The following PRKCH variants were observed in gnomAD, a reference collection of about 807,000 sequenced individuals.
PRKCH encodes the protein protein kinase C eta.
PRKCH carries 28 observed loss-of-function variants against 82.5 expected under a neutral mutation model. The observed-to-expected ratio is 0.34, with a 90% CI of 0.25 to 0.47. The LOEUF is 0.47. Ranked by LOEUF, PRKCH falls within the 20% of genes least tolerant of loss-of-function variation. The pLI is 1.00. For synonymous variants in PRKCH, 322 were observed against 327.4 expected, an observed-to-expected ratio of 0.98 and a Z score of 0.18; for missense variants, 705 against 881.8, an observed-to-expected ratio of 0.80 and a Z score of 2.54.
intron 10 of PRKCH, among the ~76,000 whole-genome samples, chr14:61,522,245 T>C (rs1463938059): frequency 6.6e-6 from 1 of 152,192 alleles, no homozygotes; most frequent in African/African-American, 2.4e-5. Flanking sequence ...CACCATCATT[T>C]ATCTCCTGGA....
At chr14:61,450,176 G>A (rs1040312993) in intron 5 of PRKCH, among the ~76,000 whole-genome samples, 1 of 152,160 alleles carries the variant, frequency 6.6e-6, no homozygotes, top group Non-Finnish European at 1.5e-5. Context: ...TTCAAGAGGA[G>A]TAATGATTGC....
At chr14:61,330,988 T>G (rs2045778047) in intron 1 of PRKCH, among the ~76,000 whole-genome samples, 1 of 152,160 alleles carries the variant, frequency 6.6e-6, no homozygotes, top group South Asian at 2.1e-4. Flanking sequence ...TCATAATGTT[T>G]TAAGAAAGTT....
At position 61,302,360 on chromosome 14, in the gene PRKCH, C is replaced by A. The variant is rs151157231; in HGVS notation, c.-19+114692C>A. ...AGGACTTACATGCCTTTCTTTATGG[C>A]ATATAAGCCCTGGGTCCGGGTTGGG... On this transcript the variant is annotated intron_variant, in intron 1 of 3. Transcript: ENST00000555185. 8.7e-3 allele frequency among the ~76,000 whole-genome samples: 1,327 copies of A among 152,276 alleles called. 10 individuals carry two copies. Among genetic ancestry groups the A allele is most frequent in the Middle Eastern group, 0.017 (5 of 294 alleles).
rs148885787 is a variant in PRKCH, at chr14:61,517,577, G to A, written c.1434-11498G>A. Among the ~76,000 whole-genome samples the A allele has an allele frequency of 4.8e-3, 729 of 152,290 alleles. 4 individuals carry two copies. Among genetic ancestry groups the A allele is most frequent in the African/African-American group, 0.015 (619 of 41,550 alleles). ...CCATAGCATTATCCATTTAATAACAGCCACAGTGACAGTGCTGATAATGGC... is the reference window on the plus strand; with the variant it reads ...CCATAGCATTATCCATTTAATAACAACCACAGTGACAGTGCTGATAATGGC... On this transcript the variant is annotated intron_variant, in intron 10 of 13. Coordinates refer to ENST00000332981, the MANE Select transcript of PRKCH (RefSeq NM_006255.5).
chr14:61,204,524 G>A (rs1033190306), intron 1 of PRKCH, among the ~76,000 whole-genome samples: 1 of 152,172 alleles, frequency 6.6e-6, no homozygotes, highest in African/African-American at 2.4e-5. Flanking sequence ...GGAGGCCAAG[G>A]CAGGAGGATT....
At chr14:61,225,883 T>A (rs1393890940) in intron 1 of PRKCH, among the ~76,000 whole-genome samples, 1 of 152,100 alleles carries the variant, frequency 6.6e-6, no homozygotes, top group East Asian at 1.9e-4. Flanking sequence ...GAACTACAGG[T>A]GTGTGCCACC....
intron 2 of PRKCH, among the ~76,000 whole-genome samples, chr14:61,439,937 A>G (rs546051428): frequency 6.6e-6 from 1 of 152,346 alleles, no homozygotes; most frequent in East Asian, 1.9e-4. Context: ...GAAATATTAA[A>G]CATGCAAGTG....
At chr14:61,395,293 C>CA (rs1555383085) in intron 2 of PRKCH, among the ~76,000 whole-genome samples, 1 of 144,780 alleles carries the variant, frequency 6.9e-6, no homozygotes, top group Non-Finnish European at 1.5e-5. Flanking sequence ...AAATGGAGCC[C>CA]CCCCCCGCAT....
At chr14:61,391,085 C>T (rs564659289) in intron 1 of PRKCH, 140 bp from the exon 2 acceptor site, 3 of 657,048 alleles carry the variant, frequency 4.6e-6, no homozygotes, top group African/African-American at 2.0e-5. Context: ...CCCTGCCACT[C>T]TACTATTTAA....
intron 7 of PRKCH, chr14:61,456,876 C>A (rs2140294821): frequency 4.0e-6 from 1 of 247,942 alleles, no homozygotes; most frequent in Admixed American, 5.0e-5. Context: ...CCGCAGAAGG[C>A]ACCCAAGGGA....
At chr14:61,457,052 AGTTGATCTTTCCCCCAC>A in intron 7 of PRKCH, 107 bp from the exon 8 acceptor site, 1 of 1,023,590 alleles carries the variant, frequency 9.8e-7, no homozygotes, top group South Asian at 1.7e-5. Context: ...TGTCAAACTG[AGTTGATCTTTCCCCCAC>A]GTTATACTGG....
chr14:61,503,001 C>CT (rs34050696), intron 10 of PRKCH, among the ~76,000 whole-genome samples: 57 of 80,292 alleles, frequency 7.1e-4, no homozygotes, highest in Admixed American at 1.8e-3. Flanking sequence ...GGGAAGCAGG[C>CT]TTTTTTTTTT....
At chr14:61,270,003 T>C (rs2045138595) in intron 1 of PRKCH, among the ~76,000 whole-genome samples, 1 of 152,152 alleles carries the variant, frequency 6.6e-6, no homozygotes, top group African/African-American at 2.4e-5. Flanking sequence ...AATGCAAGAC[T>C]CTATGACATG....
At chr14:61,345,671 A>C (rs1379097236) in intron 1 of PRKCH, among the ~76,000 whole-genome samples, 1 of 152,352 alleles carries the variant, frequency 6.6e-6, no homozygotes, top group South Asian at 2.1e-4. Flanking sequence ...TTTAATCCTC[A>C]GAATACCTTC....
At chr14:61,408,666 A>G (rs1882095897) in intron 2 of PRKCH, among the ~76,000 whole-genome samples, 2 of 152,242 alleles carry the variant, frequency 1.3e-5, no homozygotes, top group South Asian at 4.1e-4. Flanking sequence ...CACAAAGTGT[A>G]GCATTAGGAT....
chr14:61,502,458 C>G (rs1229502727), intron 10 of PRKCH, among the ~76,000 whole-genome samples: 1 of 152,196 alleles, frequency 6.6e-6, no homozygotes, highest in East Asian at 1.9e-4. Flanking sequence ...TTTTTCAGAT[C>G]AGGCAACAGG....
chr14:61,497,072 T>G (rs1166657630), intron 10 of PRKCH, among the ~76,000 whole-genome samples: 2 of 152,206 alleles, frequency 1.3e-5, no homozygotes, highest in Non-Finnish European at 2.9e-5. Context: ...AGTGATGCAT[T>G]TATATCCTCA....
intron 1 of PRKCH, chr14:61,279,179 C>A (rs2045232995): frequency 6.6e-6 from 1 of 152,250 alleles, no homozygotes; most frequent in Admixed American, 6.5e-5. Context: ...CAAAGTTTGC[C>A]TGTTGGCTTT....
Position 61,220,740 on chromosome 14 carries a change from C to T in PRKCH, c.-19+33072C>T, listed in dbSNP as rs141907564. ...AGCAGATATATTCACATCATCAACA[C>T]GGGAGGCAAAAGCAGAGTTAGCTAA... On this transcript the variant is annotated intron_variant, in intron 1 of 3. Transcript: ENST00000555185. Among the ~76,000 whole-genome samples, 14 of 151,402 alleles carry T rather than the reference C, an allele frequency of 9.2e-5. No individual in the cohort carries two copies. The East Asian group carries it at 2.3e-3, about 25-fold the overall frequency.
Sources: gnomAD v4.1 joint callset for allele counts (sites outside exome capture counted in the v4.1 genomes callset) on GRCh38, gnomAD v4.1.1 for gene constraint, MANE v1.5 for transcripts, NCBI Gene and HGNC (gene_info 2026-07-23, HGNC 2026-07-21) for gene names.